Variants in MCM3AP observed in about 807,000 individuals in gnomAD.
The protein encoded by MCM3AP is minichromosome maintenance complex component 3 associated protein.
MCM3AP carries 126 observed loss-of-function variants against 184.1 expected under a neutral mutation model. The observed-to-expected ratio is 0.68, with a 90% CI of 0.59 to 0.79. The LOEUF (loss-of-function observed/expected upper bound fraction) is 0.79, where lower values mean the gene tolerates loss of function less well. Ranked by LOEUF, MCM3AP falls within the 30% of genes least tolerant of loss-of-function variation. The probability of loss-of-function intolerance (pLI) is 0.00; values close to 1 mark genes in which losing one functional copy is unlikely to be tolerated. For missense variants in MCM3AP, 2,496 were observed against 2,479.2 expected (o/e 1.01, Z -0.14); for synonymous variants, 1,002 against 979.3 (o/e 1.02, Z -0.43).
chr21:46,273,756 GA>G (rs1207270793), intron 6 of MCM3AP, among the ~76,000 whole-genome samples, 171 bp from the exon 7 acceptor site: 2 of 152,184 alleles, frequency 1.3e-5, no homozygotes, highest in Non-Finnish European at 2.9e-5. Context: ...AAAATTCAAA[GA>G]CAAATAGAGA....
intron 1 of MCM3AP, 32 bp from the exon 2 acceptor site, chr21:46,283,870 T>A: frequency 1.9e-6 from 3 of 1,588,246 alleles, no homozygotes; most frequent in Non-Finnish European, 2.6e-6. Context: ...ACTTAAACCA[T>A]CAGATGTTTC....
rs139383180 is a variant in MCM3AP, at chr21:46,243,526, G to A, written c.5235C>T (p.Ile1745=). The A allele has an allele frequency of 1.4e-4, 228 of 1,614,206 alleles. 1 individual carries two copies. The East Asian group carries it at 3.4e-3, about 24-fold the overall frequency. Residue 1745 remains isoleucine, a synonymous_variant, in exon 24 of 28, where the codon ATC becomes ATT. Coordinates refer to ENST00000291688, the MANE Select transcript of MCM3AP (RefSeq NM_003906.5). ...TCAGCTTGTGGTTGATACACAAGGCGATAAGATCATCCCATGGGATCTCCA... is the reference window on the plus strand; with the variant it reads ...TCAGCTTGTGGTTGATACACAAGGCAATAAGATCATCCCATGGGATCTCCA... ...SVMEIPWDDL[I]ALCINHKLRD...
At position 46,241,289 on chromosome 21, in the gene MCM3AP, T is replaced by C. The variant is rs1259394218; in HGVS notation, c.5427-272A>G. 5 of 357,432 alleles carry C rather than the reference T, an allele frequency of 1.4e-5. 1 individual carries two copies. Among genetic ancestry groups the C allele is most frequent in the Admixed American group, 1.3e-4 (3 of 22,498 alleles). 22.1% of individuals were successfully genotyped at this position (357,432 alleles called of 1,614,324 possible). A position where few individuals can be genotyped will look rare whatever the true frequency, so the allele number is the denominator to read the frequency against. On this transcript the variant is annotated intron_variant, in intron 25 of 27. Transcript: ENST00000291688. Reference sequence around the variant, plus strand: ...AGACTGCCTGTTCCTCTTGGAAGCTTCTGCTCTCAAGAGGCAGCTAGGTTT... The same window carrying C: ...AGACTGCCTGTTCCTCTTGGAAGCTCCTGCTCTCAAGAGGCAGCTAGGTTT...
chr21:46,241,478 G>A (rs555205537), intron 25 of MCM3AP: 2 of 156,956 alleles, frequency 1.3e-5, no homozygotes, highest in Admixed American at 1.2e-4. Flanking sequence ...CTAAACACAT[G>A]CCAATGTTTG....
chr21:46,243,139 C>T (rs571130069), intron 24 of MCM3AP: 1 of 596,292 alleles, frequency 1.7e-6, no homozygotes, highest in East Asian at 2.9e-5. Context: ...GTTAAATAGG[C>T]TCCCAGGGTC....
chr21:46,245,157 T>C lies in MCM3AP; in HGVS notation c.4688A>G (p.His1563Arg). The C allele has an allele frequency of 6.2e-7, 1 of 1,613,676 alleles. No homozygotes were observed. The highest frequency in any genetic ancestry group is 8.5e-7 in the Non-Finnish European group (1 of 1,179,824). The change falls in exon 23 of 28, where the codon CAT becomes CGT. Residue 1563 changes from histidine to arginine, a missense_variant. Around this residue, in one of 5 missense-constraint regions of MCM3AP, gnomAD observed 1,323 missense variants for 1,273.4 expected, o/e 1.04. Coordinates refer to ENST00000291688, the MANE Select transcript of MCM3AP (RefSeq NM_003906.5). ...AGTCTGGCAGCAGAGGTCAAGGGAA[T>C]GGGGGCAGTGGGAAACCAGCCACTG... The part of the protein sequence containing the change: ...AVQWLVSHCP[H>R]SLDLCCQTLI...
In MCM3AP at chr21:46,285,374, C is replaced by A. The variant is rs1455220681; in HGVS notation, c.-88G>T. ...AAACAGCCTGTAGCACTAGGGAGTT[C>A]CCCTTCGTCTTTAGAACAAGCTGAA... On this transcript the variant is annotated 5_prime_UTR_variant, in exon 1 of 28. An upstream open reading frame in the 5' UTR gains an earlier in-frame stop. Transcript: ENST00000291688. The A allele has an allele frequency of 1.2e-5, 10 of 825,278 alleles. No individual in the cohort carries two copies. The highest frequency in any genetic ancestry group is 2.0e-5 in the Non-Finnish European group (10 of 504,448). The allele number at this position is 825,278 out of a possible 1,614,324, so 51.1% of individuals were successfully genotyped here.
intron 6 of MCM3AP, among the ~76,000 whole-genome samples, chr21:46,274,502 A>G (rs1351420727): frequency 1.3e-5 from 2 of 152,272 alleles, no homozygotes; most frequent in Non-Finnish European, 2.9e-5. Flanking sequence ...TCATTTTTAA[A>G]TGCTCATAGT....
In MCM3AP at chr21:46,254,842, A is replaced by G. The variant is rs1477507686; in HGVS notation, c.3935T>C (p.Leu1312Ser). Residue 1312 changes from leucine to serine, a missense_variant and splice_region_variant, in exon 18 of 28, where the codon TTA becomes TCA. This residue lies in a region of MCM3AP where 1,323 missense variants were observed against 1,273.4 expected (regional missense o/e 1.04). Coordinates refer to ENST00000291688, the MANE Select transcript of MCM3AP (RefSeq NM_003906.5). ...AGRLGISCTR[L>S]RRLRNKTAHQ... is the part of the protein sequence containing the mutation. ...AGCTGTCTTGTTTCTGAGCCGCCTT[A>G]ACCTGCAAAGGAAAGCAGAATGACA... The G allele has an allele frequency of 6.2e-7, 1 of 1,613,808 alleles. No homozygotes were observed. Among genetic ancestry groups the G allele is most frequent in the South Asian group, 1.1e-5 (1 of 91,072 alleles).
At chr21:46,240,640 C>T (rs930649545) in intron 26 of MCM3AP, among the ~76,000 whole-genome samples, 171 bp downstream of exon 26, 1 of 152,244 alleles carries the variant, frequency 6.6e-6, no homozygotes, top group African/African-American at 2.4e-5. Context: ...ATCTAGGGCA[C>T]TGCTTCTGTC....
chr21:46,284,550 T>G lies in MCM3AP; in HGVS notation c.737A>C (p.Asn246Thr), dbSNP rs148698014. 3.7e-6 allele frequency: 6 copies of G among 1,614,092 alleles called. No individual in the cohort carries two copies. The African/African-American group carries it at 8.0e-5, about 22-fold the overall frequency. The change falls in exon 1 of 28, where the codon AAT (asparagine) becomes ACT (threonine). Residue 246 changes from asparagine (N) to threonine (T), a missense_variant. Physicochemically the swap from Asn to Thr is moderately conservative, Grantham distance 65 (BLOSUM62 0). Coordinates refer to ENST00000291688, the MANE Select transcript of MCM3AP (RefSeq NM_003906.5). ...TACAGGGAAGCTACTGAAGCTATTA[T>G]TAGAACTTCCAAATATTGACTTAGG... Reference protein sequence around the residue: ...RGPKSIFGSSNNSFSSFPVSS... With the variant: ...RGPKSIFGSSTNSFSSFPVSS...
chr21:46,284,082 CTA>C lies in MCM3AP; in HGVS notation c.1203_1204del (p.Ser401ArgfsTer17). On this transcript the variant is annotated frameshift_variant, in exon 1 of 28. Coordinates refer to ENST00000291688, the MANE Select transcript of MCM3AP (RefSeq NM_003906.5). LOFTEE classifies it high-confidence loss of function. ...TCAGAGCTCACCTTCTTTCTTCTCT[CTA>C]CTTTCAGTTTCTTCCTCTTTATTCA... 1 of 1,612,348 alleles carries C rather than the reference CTA, an allele frequency of 6.2e-7. No homozygotes were observed. The highest frequency in any genetic ancestry group is 8.5e-7 in the Non-Finnish European group (1 of 1,179,002).
chr21:46,266,132 G>T lies in MCM3AP; in HGVS notation c.2824C>A (p.Pro942Thr). Residue 942 changes from proline to threonine, a missense_variant, in exon 11 of 28, where the codon CCA becomes ACA. By Grantham distance (38) the Pro-to-Thr change is conservative (BLOSUM62 -1). Around this residue, in one of 5 missense-constraint regions of MCM3AP, gnomAD observed 138 missense variants for 191.9 expected, o/e 0.72. Transcript: ENST00000291688. ...VELNRSAFLEPEGLSKTRKSV... is the reference protein window; with the variant it reads ...VELNRSAFLETEGLSKTRKSV... ...TTCCTGGTCTTGGATAATCCCTCTGGTTCCAGGAATGCAGACCGGTTCAGC... is the reference window on the plus strand; with the variant it reads ...TTCCTGGTCTTGGATAATCCCTCTGTTTCCAGGAATGCAGACCGGTTCAGC... 6.2e-7 allele frequency: 1 copy of T among 1,611,402 alleles called. No homozygotes were observed. The highest frequency in any genetic ancestry group is 8.5e-7 in the Non-Finnish European group (1 of 1,178,838).
intron 26 of MCM3AP, among the ~76,000 whole-genome samples, chr21:46,239,345 T>C (rs113215892): frequency 1.3e-5 from 2 of 152,230 alleles, no homozygotes; most frequent in African/African-American, 4.8e-5. Flanking sequence ...AACTGCAGCC[T>C]ACTGTAATAA....
At position 46,280,157 on chromosome 21, in the gene MCM3AP, A is replaced by C. The variant is rs200573968; in HGVS notation, c.1523-20T>G. The C allele has an allele frequency of 1.2e-6, 2 of 1,613,168 alleles. No individual in the cohort carries two copies. Among genetic ancestry groups the C allele is most frequent in the African/African-American group, 2.7e-5 (2 of 74,894 alleles). On this transcript the variant is annotated intron_variant, in intron 3 of 27. Transcript: ENST00000291688. Reference sequence around the variant, plus strand: ...TGGGGCCTGTGGACATAGGAGGCAGAAAAGAGTTTATGCAATCACAGATCA... The same window carrying C: ...TGGGGCCTGTGGACATAGGAGGCAGCAAAGAGTTTATGCAATCACAGATCA...
At chr21:46,280,848 C>T (rs2081322972) in intron 2 of MCM3AP, among the ~76,000 whole-genome samples, 1 of 152,140 alleles carries the variant, frequency 6.6e-6, no homozygotes, top group African/African-American at 2.4e-5. Context: ...CTCTGTCAGC[C>T]AGGCTGGAGT....
At chr21:46,268,680 T>C (rs1289327387) in intron 9 of MCM3AP, among the ~76,000 whole-genome samples, 1 of 152,232 alleles carries the variant, frequency 6.6e-6, no homozygotes, top group Non-Finnish European at 1.5e-5. Context: ...GACAGGAGGC[T>C]GCCTCTGTGC....
intron 10 of MCM3AP, chr21:46,266,459 T>C: frequency 3.3e-6 from 1 of 298,790 alleles, no homozygotes; most frequent in Non-Finnish European, 6.2e-6. Flanking sequence ...GAGACAGAAC[T>C]AGAAGGAGAC....
intron 5 of MCM3AP, among the ~76,000 whole-genome samples, chr21:46,275,591 G>C (rs753984821): frequency 3.3e-5 from 5 of 151,980 alleles, no homozygotes; most frequent in Non-Finnish European, 7.4e-5. Flanking sequence ...CTAAGAGAAA[G>C]ACCCCCGAGT....
Sources: gnomAD v4.1 joint callset for allele counts (sites outside exome capture counted in the v4.1 genomes callset) on GRCh38, gnomAD v4.1.1 for gene constraint, gnomAD v4.1.1 regional missense constraint, MANE v1.5 for transcripts, NCBI Gene and HGNC (gene_info 2026-07-23, HGNC 2026-07-21) for gene names.